MAPK10: variants seen among roughly 807,000 people sequenced by gnomAD.
The protein encoded by MAPK10 is JNK3 alpha protein kinase.
In MAPK10, 25 loss-of-function variants were observed where a neutral mutation model predicts 59.3. The ratio of observed to expected loss-of-function variants is 0.42; its 90% CI spans 0.31 to 0.59. MAPK10 has a LOEUF of 0.59. Among genes scored for constraint, MAPK10 ranks in the 20% least tolerant of loss-of-function variants. The probability of loss-of-function intolerance (pLI) is 0.15; values close to 1 mark genes in which losing one functional copy is unlikely to be tolerated. For missense variants in MAPK10, 351 were observed against 568.9 expected (o/e 0.62, Z 3.90); for synonymous variants, 190 against 200.5 (o/e 0.95, Z 0.44).
chr4:86,352,162 T>C (rs4269144), intron 2 of MAPK10: 1 of 152,108 alleles, frequency 6.6e-6, no homozygotes, highest in Non-Finnish European at 1.5e-5. Context: ...AAGGCGCACA[T>C]ACCCCAAAAC....
chr4:86,317,886 T>C (rs1364278229), intron 2 of MAPK10, among the ~76,000 whole-genome samples: 1 of 152,226 alleles, frequency 6.6e-6, no homozygotes, highest in East Asian at 1.9e-4. Flanking sequence ...GGCAGGACCA[T>C]GCTCTCTCTG....
intron 1 of MAPK10, among the ~76,000 whole-genome samples, chr4:86,551,270 T>C (rs1759751527): frequency 1.3e-5 from 2 of 152,234 alleles, no homozygotes; most frequent in South Asian, 4.1e-4. Context: ...GATCACATCA[T>C]ATGCTGAATG....
chr4:86,436,855 A>G (rs1748784191), intron 1 of MAPK10, among the ~76,000 whole-genome samples: 1 of 152,180 alleles, frequency 6.6e-6, no homozygotes, highest in Non-Finnish European at 1.5e-5. Flanking sequence ...AGAAGTGATG[A>G]TAAAAGGCAT....
chr4:86,527,533 GA>G (rs1488140377), intron 1 of MAPK10, among the ~76,000 whole-genome samples: 1 of 152,144 alleles, frequency 6.6e-6, no homozygotes, highest in Non-Finnish European at 1.5e-5. Context: ...AGGCTGTGGA[GA>G]AAAGGGAATG....
chr4:86,377,871 G>A (rs2148998540), intron 1 of MAPK10, among the ~76,000 whole-genome samples: 1 of 152,152 alleles, frequency 6.6e-6, no homozygotes, highest in South Asian at 2.1e-4. Context: ...ACAAGAGAAA[G>A]ATACAGGATG....
chr4:86,180,480 G>A (rs1225179840), intron 3 of MAPK10, among the ~76,000 whole-genome samples: 4 of 142,870 alleles, frequency 2.8e-5, no homozygotes, highest in African/African-American at 8.3e-5. Context: ...CCCACTACTG[G>A]GTGTTCATCA....
At chr4:86,398,031 T>C (rs1743196131) in intron 1 of MAPK10, among the ~76,000 whole-genome samples, 1 of 152,008 alleles carries the variant, frequency 6.6e-6, no homozygotes, top group Non-Finnish European at 1.5e-5. Flanking sequence ...TCCCAAACTA[T>C]CACGACTCCT....
intron 1 of MAPK10, among the ~76,000 whole-genome samples, chr4:86,493,754 A>G (rs1439432186): frequency 6.6e-6 from 1 of 152,216 alleles, no homozygotes; most frequent in Admixed American, 6.5e-5. Flanking sequence ...AGATAGTTTT[A>G]TCAGCATCCC....
At chr4:86,550,373 T>TAAA in intron 1 of MAPK10, among the ~76,000 whole-genome samples, 1 of 50,078 alleles carries the variant, frequency 2.0e-5, no homozygotes, top group Non-Finnish European at 3.3e-5. Flanking sequence ...AGAGCTTCAG[T>TAAA]TAAAAAAAAA....
chr4:86,305,067 A>G (rs2095543033), intron 2 of MAPK10, among the ~76,000 whole-genome samples: 1 of 152,218 alleles, frequency 6.6e-6, no homozygotes, highest in Non-Finnish European at 1.5e-5. Context: ...AAACAAACAA[A>G]CAAAAAATAT....
At chr4:86,479,006 G>T (rs1467261146) in intron 1 of MAPK10, among the ~76,000 whole-genome samples, 3 of 152,116 alleles carry the variant, frequency 2.0e-5, no homozygotes, top group Non-Finnish European at 4.4e-5. Context: ...CCCTGCCCAG[G>T]ACCGGCAAAT....
chr4:86,127,537 T>C (rs999446530), intron 4 of MAPK10: 13 of 152,164 alleles, frequency 8.5e-5, no homozygotes, highest in African/African-American at 3.1e-4. Context: ...TTTGTTTTAA[T>C]ATGAAATCTC....
intron 4 of MAPK10, among the ~76,000 whole-genome samples, chr4:86,127,204 TAAAAA>T (rs5860018): frequency 1.5e-5 from 2 of 136,668 alleles, no homozygotes. Flanking sequence ...TTAGCTTAAT[TAAAAA>T]AAAAAAAAAA....
intron 1 of MAPK10, among the ~76,000 whole-genome samples, chr4:86,396,747 G>A (rs1742999626): frequency 2.0e-5 from 3 of 152,036 alleles, no homozygotes; most frequent in Admixed American, 2.0e-4. Flanking sequence ...GGGGTGGGGG[G>A]TGCCACATAA....
At chr4:86,260,499 A>G (rs2093944380) in intron 2 of MAPK10, among the ~76,000 whole-genome samples, 1 of 152,068 alleles carries the variant, frequency 6.6e-6, no homozygotes, top group Non-Finnish European at 1.5e-5. Context: ...ATGAGTCTTA[A>G]GAACTGTTCT....
At chr4:86,313,839 T>C in intron 2 of MAPK10, among the ~76,000 whole-genome samples, 1 of 152,132 alleles carries the variant, frequency 6.6e-6, no homozygotes. Context: ...TCCAATGATC[T>C]AGCACTTCCA....
At chr4:86,429,469 A>G (rs1034254694) in intron 1 of MAPK10, among the ~76,000 whole-genome samples, 1 of 152,222 alleles carries the variant, frequency 6.6e-6, no homozygotes, top group Non-Finnish European at 1.5e-5. Context: ...TGTTATTATC[A>G]TATATAATTA....
chr4:86,566,687 C>T (rs1214131108), intron 1 of MAPK10, among the ~76,000 whole-genome samples: 1 of 151,900 alleles, frequency 6.6e-6, no homozygotes, highest in East Asian at 1.9e-4. Context: ...TGCACTCCAA[C>T]CTGAGTGACA....
At chr4:86,064,596 A>G in intron 10 of MAPK10, 1 of 569,598 alleles carries the variant, frequency 1.8e-6, no homozygotes, top group Admixed American at 3.1e-5. Flanking sequence ...GAGGCTCTCC[A>G]AGGGTTGTAA....
Sources: allele counts gnomAD v4.1 joint callset (sites outside exome capture counted in the v4.1 genomes callset), GRCh38; gene constraint gnomAD v4.1.1; transcripts MANE v1.5; gene names NCBI Gene and HGNC (gene_info 2026-07-23, HGNC 2026-07-21).